Variants in NCKAP5 observed in about 807,000 individuals in gnomAD.
NCKAP5 encodes NCK associated protein 5.
NCKAP5 carries 92 observed loss-of-function variants against 167.0 expected under a neutral mutation model. That is an observed-to-expected ratio of 0.55 (90% CI 0.47 to 0.66). The LOEUF is 0.66. Ranked by LOEUF, NCKAP5 falls within the 30% of genes least tolerant of loss-of-function variation. NCKAP5 has a pLI of 0.00. For synonymous variants in NCKAP5, 891 were observed against 877.4 expected, an observed-to-expected ratio of 1.02 and a Z score of -0.27; for missense variants, 2,378 against 2,315.0, an observed-to-expected ratio of 1.03 and a Z score of -0.56.
chr2:133,600,406 A>T, the NCKAP5 span, among the ~76,000 whole-genome samples: 2 of 152,274 alleles, frequency 1.3e-5, no homozygotes, highest in East Asian at 3.9e-4. Context: ...AAAAAGAAAA[A>T]TTCAGTCCTG....
intron 4 of NCKAP5, among the ~76,000 whole-genome samples, chr2:133,297,941 G>A (rs748458231): frequency 7.2e-5 from 11 of 152,278 alleles, no homozygotes; most frequent in Non-Finnish European, 1.3e-4. Context: ...TTAACTTCAG[G>A]CAATCTGGTT....
rs552054598 is a variant in NCKAP5, at chr2:133,290,469, C to T, written c.143+12568G>A. ...TATTATTGCTACTGGTTAGAGCCTT[C>T]ACTATGACATGCAGTGACATGCTCA... On this transcript the variant is annotated intron_variant, in intron 4 of 19. Transcript: ENST00000409261. 8.9e-4 allele frequency among the ~76,000 whole-genome samples: 136 copies of T among 152,274 alleles called. 1 individual carries two copies. The highest frequency in any genetic ancestry group is 3.2e-3 in the African/African-American group (131 of 41,546).
chr2:133,063,630 TG>T (rs1241488189), intron 6 of NCKAP5, among the ~76,000 whole-genome samples: 1 of 152,212 alleles, frequency 6.6e-6, no homozygotes. Flanking sequence ...CTGGCCTCTT[TG>T]TTCTAGAATA....
At chr2:133,103,637 A>T (rs2081589191) in intron 6 of NCKAP5, among the ~76,000 whole-genome samples, 1 of 152,114 alleles carries the variant, frequency 6.6e-6, no homozygotes, top group African/African-American at 2.4e-5. Flanking sequence ...CTACAAAGTT[A>T]AAAAATTGAC....
chr2:133,593,532 A>C, the NCKAP5 span, among the ~76,000 whole-genome samples: 1 of 152,032 alleles, frequency 6.6e-6, no homozygotes, highest in African/African-American at 2.4e-5. Flanking sequence ...TATTTTTTTT[A>C]AGTCTGTATT....
intron 6 of NCKAP5, among the ~76,000 whole-genome samples, chr2:133,104,948 G>A (rs2081633535): frequency 6.6e-6 from 1 of 152,162 alleles, no homozygotes; most frequent in Non-Finnish European, 1.5e-5. Flanking sequence ...TGAAGCAAAG[G>A]AGCTATTAAG....
At chr2:133,003,020 T>C (rs1205416062) in intron 6 of NCKAP5, among the ~76,000 whole-genome samples, 1 of 152,162 alleles carries the variant, frequency 6.6e-6, no homozygotes, top group Non-Finnish European at 1.5e-5. Context: ...AAACCAAATA[T>C]CTAACTGTTC....
chr2:133,529,459 A>G (rs1252824010), intron 2 of NCKAP5, among the ~76,000 whole-genome samples: 1 of 152,166 alleles, frequency 6.6e-6, no homozygotes, highest in East Asian at 1.9e-4. Flanking sequence ...TTATCAATAA[A>G]TTGCTTATTA....
intron 3 of NCKAP5, among the ~76,000 whole-genome samples, chr2:133,487,627 T>A (rs183774276): frequency 2.1e-4 from 32 of 152,208 alleles, no homozygotes; most frequent in Admixed American, 1.0e-3. Flanking sequence ...GGATATACCC[T>A]CCATGTATTT....
At chr2:133,420,265 A>T (rs1000233076) in intron 3 of NCKAP5, among the ~76,000 whole-genome samples, 10 of 152,376 alleles carry the variant, frequency 6.6e-5, no homozygotes, top group Admixed American at 3.3e-4. Context: ...ACAATGGGGT[A>T]TTATTTGGCA....
At chr2:133,302,952 T>G (rs1680504362) in intron 4 of NCKAP5, 85 bp downstream of exon 4, 1 of 934,724 alleles carries the variant, frequency 1.1e-6, no homozygotes. Flanking sequence ...GTATATATTC[T>G]GTAGTCTAAC....
intron 3 of NCKAP5, among the ~76,000 whole-genome samples, chr2:133,380,620 C>T (rs1686453134): frequency 6.6e-6 from 1 of 152,144 alleles, no homozygotes; most frequent in African/African-American, 2.4e-5. Context: ...CTAATGTATC[C>T]ATCTCCATGT....
At chr2:132,720,124 C>T (rs527431941) in intron 19 of NCKAP5, among the ~76,000 whole-genome samples, 6 of 152,174 alleles carry the variant, frequency 3.9e-5, no homozygotes, top group South Asian at 2.1e-4. Context: ...CTGGCTTGCT[C>T]GCTCCTTCAC....
At chr2:133,200,236 A>G (rs574455505) in intron 5 of NCKAP5, among the ~76,000 whole-genome samples, 42 of 152,092 alleles carry the variant, frequency 2.8e-4, no homozygotes, top group Admixed American at 1.6e-3. Context: ...TTTGATTACT[A>G]CAGTAACCTA....
At chr2:132,754,624 T>C (rs976502933) in intron 16 of NCKAP5, among the ~76,000 whole-genome samples, 2 of 152,238 alleles carry the variant, frequency 1.3e-5, no homozygotes, top group African/African-American at 2.4e-5. Flanking sequence ...ATTTCAACAA[T>C]GGCTCTGCAT....
At chr2:133,251,145 C>T (rs566471574) in intron 4 of NCKAP5, among the ~76,000 whole-genome samples, 13 of 151,564 alleles carry the variant, frequency 8.6e-5, no homozygotes, top group Admixed American at 7.9e-4. Flanking sequence ...CAACTGTTTA[C>T]ACAGCATTTA....
At chr2:133,304,870 G>A (rs1279326810) in intron 3 of NCKAP5, among the ~76,000 whole-genome samples, 2 of 152,186 alleles carry the variant, frequency 1.3e-5, no homozygotes, top group Admixed American at 6.5e-5. Flanking sequence ...TGTTGGTTAC[G>A]TGCTATGAAG....
At chr2:133,624,033 G>A in the NCKAP5 span, among the ~76,000 whole-genome samples, 3 of 152,090 alleles carry the variant, frequency 2.0e-5, no homozygotes, top group African/African-American at 7.2e-5. Context: ...ACTCAGAAGT[G>A]GAAAACCAAA....
intron 3 of NCKAP5, among the ~76,000 whole-genome samples, chr2:133,385,947 A>T (rs927167721): frequency 6.6e-6 from 1 of 151,242 alleles, no homozygotes; most frequent in African/African-American, 2.4e-5. Flanking sequence ...TTTCTTCTTT[A>T]TTAGTCTTGT....
Sources: gnomAD v4.1 joint callset for allele counts (sites outside exome capture counted in the v4.1 genomes callset) on GRCh38, gnomAD v4.1.1 for gene constraint, MANE v1.5 for transcripts, NCBI Gene and HGNC (gene_info 2026-07-23, HGNC 2026-07-21) for gene names.